The following CHN2 variants were observed in gnomAD, a reference collection of about 807,000 sequenced individuals.
CHN2 encodes the protein beta-chimaerin.
Under a neutral mutation model 56.3 loss-of-function variants are expected in CHN2, and 35 were observed. The ratio of observed to expected loss-of-function variants is 0.62; its 90% confidence interval spans 0.47 to 0.82. The LOEUF (loss-of-function observed/expected upper bound fraction) is 0.82, where lower values mean the gene tolerates loss of function less well. Ranked by LOEUF, CHN2 falls within the 40% of genes least tolerant of loss-of-function variation. The pLI is 0.00. For synonymous variants in CHN2, 210 were observed against 212.8 expected (o/e 0.99, Z 0.12); for missense variants, 491 against 580.5 (o/e 0.85, Z 1.58).
intron 1 of CHN2, among the ~76,000 whole-genome samples, chr7:29,309,611 T>A (rs897309489): frequency 6.6e-6 from 1 of 152,236 alleles, no homozygotes; most frequent in African/African-American, 2.4e-5. Context: ...AGAAGTGGAA[T>A]GCCTAACCCA....
chr7:29,475,757 GA>G (rs1231566220), intron 6 of CHN2, among the ~76,000 whole-genome samples: 1 of 152,136 alleles, frequency 6.6e-6, no homozygotes, highest in African/African-American at 2.4e-5. Context: ...AATATCTAAA[GA>G]AAAAAGAAGC....
chr7:29,329,883 A>G (rs1035138692), intron 1 of CHN2, among the ~76,000 whole-genome samples: 1 of 152,202 alleles, frequency 6.6e-6, no homozygotes, highest in Non-Finnish European at 1.5e-5. Context: ...AGGAATCTAG[A>G]TGACAGTTTT....
At chr7:29,228,951 G>T (rs1786451843) in intron 1 of CHN2, among the ~76,000 whole-genome samples, 1 of 152,196 alleles carries the variant, frequency 6.6e-6, no homozygotes, top group Admixed American at 6.5e-5. Flanking sequence ...CTCCAGTCGG[G>T]CCTGATTTCT....
At chr7:29,497,152 G>C (rs1258238188) in intron 8 of CHN2, among the ~76,000 whole-genome samples, 1 of 152,148 alleles carries the variant, frequency 6.6e-6, no homozygotes, top group Non-Finnish European at 1.5e-5. Context: ...CTATGTTTAA[G>C]GGGTGGTCAA....
intron 1 of CHN2, chr7:29,212,276 T>G: frequency 1.9e-6 from 2 of 1,028,880 alleles, no homozygotes; most frequent in Non-Finnish European, 1.5e-6. Flanking sequence ...TCTTAAATTT[T>G]TTCCCCCTCT....
At chr7:29,410,887 T>C (rs1471465367) in intron 6 of CHN2, among the ~76,000 whole-genome samples, 2 of 152,192 alleles carry the variant, frequency 1.3e-5, no homozygotes, top group African/African-American at 4.8e-5. Context: ...TAAAATATTA[T>C]CTAAAACTTT....
At chr7:29,274,151 C>G (rs565375223) in intron 1 of CHN2, among the ~76,000 whole-genome samples, 1 of 152,256 alleles carries the variant, frequency 6.6e-6, no homozygotes, top group South Asian at 2.1e-4. Flanking sequence ...GGGAAAGCAT[C>G]CCCGAGACAA....
intron 1 of CHN2, among the ~76,000 whole-genome samples, chr7:29,251,313 G>A (rs566360492): frequency 6.6e-6 from 1 of 152,028 alleles, no homozygotes; most frequent in African/African-American, 2.4e-5. Flanking sequence ...AGTTAGCTGG[G>A]TGTGGTGACA....
At chr7:29,476,016 G>T (rs560679870) in intron 6 of CHN2, among the ~76,000 whole-genome samples, 3 of 152,240 alleles carry the variant, frequency 2.0e-5, no homozygotes, top group Non-Finnish European at 2.9e-5. Context: ...TTTTTAAATG[G>T]TTAAAATGGT....
At chr7:29,269,872 T>C (rs1790475495) in intron 1 of CHN2, among the ~76,000 whole-genome samples, 1 of 152,190 alleles carries the variant, frequency 6.6e-6, no homozygotes, top group Non-Finnish European at 1.5e-5. Context: ...CCTCAAATCA[T>C]TCTAATAGGC....
At chr7:29,374,835 T>G (rs1241798422) in intron 3 of CHN2, among the ~76,000 whole-genome samples, 8 of 148,264 alleles carry the variant, frequency 5.4e-5, no homozygotes, top group African/African-American at 1.8e-4. Context: ...CTTCCTTCCT[T>G]CCTTCCTTCC....
At chr7:29,431,531 T>C (rs181729105) in intron 6 of CHN2, among the ~76,000 whole-genome samples, 1 of 152,328 alleles carries the variant, frequency 6.6e-6, no homozygotes, top group East Asian at 1.9e-4. Flanking sequence ...TTACTGGGCA[T>C]GGTGGGCACG....
chr7:29,398,356 T>C lies in CHN2; in HGVS notation c.177-17T>C. ...GTATGTGGTCTGTTCAGAGCATTGATGGTCTTGTACCTTCAGGTTTCATGG... is the reference window on the plus strand; with the variant it reads ...GTATGTGGTCTGTTCAGAGCATTGACGGTCTTGTACCTTCAGGTTTCATGG... On this transcript the variant is annotated splice_polypyrimidine_tract_variant and intron_variant, in intron 4 of 12. Transcript: ENST00000222792. 2.5e-6 allele frequency: 4 copies of C among 1,570,246 alleles called. No individual in the cohort carries two copies. Among genetic ancestry groups the C allele is most frequent in the Non-Finnish European group, 2.6e-6 (3 of 1,141,874 alleles).
At chr7:29,187,889 G>T (rs1215279582) in intron 2 of CHN2, among the ~76,000 whole-genome samples, 1 of 152,080 alleles carries the variant, frequency 6.6e-6, no homozygotes. Flanking sequence ...TAAATATGAG[G>T]TATATTATTA....
At chr7:29,356,505 G>A (rs1294056400) in intron 2 of CHN2, among the ~76,000 whole-genome samples, 1 of 152,154 alleles carries the variant, frequency 6.6e-6, no homozygotes, top group Non-Finnish European at 1.5e-5. Flanking sequence ...GTGAATGTGG[G>A]GAGGGAGATC....
chr7:29,409,269 C>A (rs961050338), intron 6 of CHN2, among the ~76,000 whole-genome samples: 2 of 151,860 alleles, frequency 1.3e-5, no homozygotes, highest in African/African-American at 4.8e-5. Flanking sequence ...TACTGAGGAC[C>A]CCAAAGAGCT....
Position 29,495,964 on chromosome 7 carries a change from C to G in CHN2, c.667C>G (p.Arg223Gly), listed in dbSNP as rs184836520. 6.2e-7 allele frequency: 1 copy of G among 1,613,266 alleles called. No individual in the cohort carries two copies. Among genetic ancestry groups the G allele is most frequent in the South Asian group, 1.1e-5 (1 of 90,850 alleles). The change falls in exon 8 of 13, where the codon CGA (arginine) becomes GGA (glycine). Residue 223 changes from arginine (R) to glycine (G), a missense_variant. Physicochemically the swap from Arg to Gly is moderately radical, Grantham distance 125. Coordinates refer to ENST00000222792, the MANE Select transcript of CHN2 (RefSeq NM_004067.4). The stretch of plus-strand genomic sequence containing the variant: ...TTTTGGATCACAGGTCCACACGTTC[C>G]GAGGCCCACACTGGTGTGAATATTG... ...KTHNFKVHTF[R>G]GPHWCEYCAN...
At chr7:29,460,959 A>G (rs757732843) in intron 6 of CHN2, among the ~76,000 whole-genome samples, 13 of 152,124 alleles carry the variant, frequency 8.5e-5, no homozygotes, top group Non-Finnish European at 1.5e-4. Context: ...AAGAAATAGT[A>G]ATTGGTCTTG....
chr7:29,440,829 T>C (rs1783594225), intron 6 of CHN2, among the ~76,000 whole-genome samples: 1 of 152,068 alleles, frequency 6.6e-6, no homozygotes. Flanking sequence ...CCCATACATC[T>C]GTGGCCAATT....
Sources: gnomAD v4.1 joint callset for allele counts (sites outside exome capture counted in the v4.1 genomes callset) on GRCh38, gnomAD v4.1.1 for gene constraint, MANE v1.5 for transcripts, NCBI Gene and HGNC (gene_info 2026-07-23, HGNC 2026-07-21) for gene names.